SH3PXD2B: variants seen among roughly 807,000 people sequenced by gnomAD.
SH3PXD2B encodes the protein SH3 and PX domains 2B.
Under a neutral mutation model 73.1 loss-of-function variants are expected in SH3PXD2B, and 37 were observed. The ratio of observed to expected loss-of-function variants is 0.51; its 90% CI spans 0.39 to 0.67. The LOEUF (loss-of-function observed/expected upper bound fraction) is 0.67. Among genes scored for constraint, SH3PXD2B ranks in the 30% least tolerant of loss-of-function variants. The pLI is 0.00. For missense variants in SH3PXD2B, 1,053 were observed against 1,197.8 expected, an observed-to-expected ratio of 0.88 and a Z score of 1.78; for synonymous variants, 457 against 480.5, an observed-to-expected ratio of 0.95 and a Z score of 0.64.
downstream of SH3PXD2B, among the ~76,000 whole-genome samples, chr5:172,331,478 G>A (rs1327721807): frequency 2.0e-5 from 3 of 152,186 alleles, no homozygotes; most frequent in African/African-American, 7.2e-5. Flanking sequence ...GCAAGACGCT[G>A]AAGAATCTCA....
chr5:172,363,016 T>G (rs1757433556), intron 6 of SH3PXD2B, 147 bp from the exon 7 acceptor site: 2 of 1,129,008 alleles, frequency 1.8e-6, no homozygotes, highest in Non-Finnish European at 2.6e-6. Context: ...ATCCATTCAT[T>G]GTTCTATTCA....
intron 6 of SH3PXD2B, among the ~76,000 whole-genome samples, chr5:172,371,662 G>T (rs749137623): frequency 7.1e-6 from 1 of 139,992 alleles, no homozygotes; most frequent in Non-Finnish European, 1.6e-5. Flanking sequence ...GGTGAATGAC[G>T]TAACAGCAGT....
intron 1 of SH3PXD2B, among the ~76,000 whole-genome samples, chr5:172,432,065 G>A (rs1347810919): frequency 2.0e-5 from 3 of 152,092 alleles, no homozygotes; most frequent in Non-Finnish European, 4.4e-5. Context: ...CCCAGCTACT[G>A]GAGAGGCTGA....
At chr5:172,400,785 A>C (rs1393345642) in intron 3 of SH3PXD2B, among the ~76,000 whole-genome samples, 1 of 152,206 alleles carries the variant, frequency 6.6e-6, no homozygotes, top group African/African-American at 2.4e-5. Context: ...TCATTTATAC[A>C]CTTGTATTAA....
At chr5:172,361,991 C>A (rs979166272) in intron 7 of SH3PXD2B, among the ~76,000 whole-genome samples, 2 of 152,218 alleles carry the variant, frequency 1.3e-5, no homozygotes, top group African/African-American at 4.8e-5. Context: ...CAGGGAGGAT[C>A]TGCTTATTTC....
intron 3 of SH3PXD2B, among the ~76,000 whole-genome samples, 188 bp from the exon 4 acceptor site, chr5:172,394,827 C>A (rs577811126): frequency 1.3e-5 from 2 of 152,120 alleles, no homozygotes; most frequent in Admixed American, 1.3e-4. Flanking sequence ...CCCCCTAAAC[C>A]CTGTTCACAG....
intron 7 of SH3PXD2B, among the ~76,000 whole-genome samples, chr5:172,361,689 G>C (rs563639607): frequency 6.6e-6 from 1 of 152,296 alleles, no homozygotes; most frequent in Non-Finnish European, 1.5e-5. Context: ...GGCTCTGCAG[G>C]CTGTTGTGAG....
chr5:172,441,955 ATCCC>A (rs1759559664), intron 1 of SH3PXD2B, among the ~76,000 whole-genome samples: 2 of 152,008 alleles, frequency 1.3e-5, no homozygotes, highest in Non-Finnish European at 2.9e-5. Context: ...CCAGAGACTA[ATCCC>A]TGCCCCTGTC....
chr5:172,426,636 C>T (rs1183702347), intron 1 of SH3PXD2B, among the ~76,000 whole-genome samples: 1 of 152,186 alleles, frequency 6.6e-6, no homozygotes, highest in Non-Finnish European at 1.5e-5. Context: ...GCCCAGCCAA[C>T]CACAGCCCTG....
exon 13 of SH3PXD2B, chr5:172,325,206 G>A (rs1756425399): frequency 5.1e-6 from 6 of 1,167,930 alleles, no homozygotes; most frequent in African/African-American, 1.6e-5. Context: ...ATTTTACCAC[G>A]ACAAAAAAAA....
chr5:172,386,510 G>C (rs577637811), intron 4 of SH3PXD2B, among the ~76,000 whole-genome samples: 1 of 152,322 alleles, frequency 6.6e-6, no homozygotes, highest in East Asian at 1.9e-4. Flanking sequence ...GACGGGCTCT[G>C]CAGAGCCTCC....
chr5:172,410,014 C>T (rs79314270), intron 2 of SH3PXD2B, among the ~76,000 whole-genome samples: 9,461 of 152,304 alleles, frequency 0.062, 374 homozygotes, highest in South Asian at 0.23. Flanking sequence ...CTGTGCCCGG[C>T]CCATACCACA....
chr5:172,439,141 A>C (rs911382651), intron 1 of SH3PXD2B, among the ~76,000 whole-genome samples: 1 of 151,530 alleles, frequency 6.6e-6, no homozygotes, highest in Non-Finnish European at 1.5e-5. Context: ...TCAGGAGGCT[A>C]AGGTGGGAGA....
chr5:172,329,540 CT>C (rs370876232), downstream of SH3PXD2B, among the ~76,000 whole-genome samples: 159 of 106,416 alleles, frequency 1.5e-3, 3 homozygotes, highest in African/African-American at 3.3e-3. Context: ...CTTTGTTATT[CT>C]TTTTTTTTTT....
chr5:172,451,313 A>C (rs1412737479), intron 1 of SH3PXD2B, among the ~76,000 whole-genome samples: 1 of 152,188 alleles, frequency 6.6e-6, no homozygotes, highest in Non-Finnish European at 1.5e-5. Flanking sequence ...GGGCGTAGTG[A>C]AGAGGACTCT....
rs111334359 is a variant in SH3PXD2B, at chr5:172,379,202, CG to C, written c.401+2833del. 1.4e-3 allele frequency among the ~76,000 whole-genome samples: 218 copies of C among 151,452 alleles called. 1 individual carries two copies. Among genetic ancestry groups the C allele is most frequent in the African/African-American group, 4.7e-3 (194 of 41,264 alleles). On this transcript the variant is annotated intron_variant, in intron 5 of 12. Transcript: ENST00000311601. ...ATTAGGTCATAAACGTGGAGCCCCC[CG>C]GATAGGATTAGCGCCTTTATGAGAA... is the stretch of plus-strand genomic sequence containing the variant.
intron 1 of SH3PXD2B, among the ~76,000 whole-genome samples, chr5:172,427,420 A>G (rs1364671286): frequency 1.3e-5 from 2 of 152,158 alleles, no homozygotes; most frequent in Non-Finnish European, 2.9e-5. Context: ...ATCATAGCTC[A>G]CTGCAACTTC....
chr5:172,340,269 AT>A (rs909923737), intron 12 of SH3PXD2B, among the ~76,000 whole-genome samples: 3 of 152,222 alleles, frequency 2.0e-5, no homozygotes, highest in African/African-American at 7.2e-5. Flanking sequence ...GCTCGGGGCC[AT>A]GGGGCTTGAT....
At chr5:172,398,270 A>T (rs1758350692) in intron 3 of SH3PXD2B, among the ~76,000 whole-genome samples, 1 of 152,196 alleles carries the variant, frequency 6.6e-6, no homozygotes, top group African/African-American at 2.4e-5. Context: ...GATCTTAAAG[A>T]TTGTTTTTTT....
Sources: allele counts gnomAD v4.1 joint callset (sites outside exome capture counted in the v4.1 genomes callset), GRCh38; gene constraint gnomAD v4.1.1; transcripts MANE v1.5; gene names NCBI Gene and HGNC (gene_info 2026-07-23, HGNC 2026-07-21).